The following FAM184A variants were observed in gnomAD, a reference collection of about 807,000 sequenced individuals.
FAM184A encodes family with sequence similarity 184 member A, also known as protein FAM184A.
Under a neutral mutation model 143.8 loss-of-function variants are expected in FAM184A, and 99 were observed. That is an observed-to-expected ratio of 0.69 (90% CI 0.58 to 0.81). FAM184A has a LOEUF of 0.81. Ranked by LOEUF, FAM184A falls within the 40% of genes least tolerant of loss-of-function variation. FAM184A has a pLI of 0.00. For synonymous variants in FAM184A, 427 were observed against 446.4 expected (o/e 0.96, Z 0.55); for missense variants, 1,217 against 1,310.5 (o/e 0.93, Z 1.10).
At chr6:119,135,931 G>T (rs1248439256) in intron 1 of FAM184A, among the ~76,000 whole-genome samples, 1 of 151,620 alleles carries the variant, frequency 6.6e-6, no homozygotes, top group East Asian at 1.9e-4. Context: ...CAACTCTGTT[G>T]TTACCCAGAT....
chr6:119,046,056 A>G (rs1237987914), intron 1 of FAM184A, among the ~76,000 whole-genome samples: 1 of 152,212 alleles, frequency 6.6e-6, no homozygotes, highest in Non-Finnish European at 1.5e-5. Flanking sequence ...AAAACATTCC[A>G]TCCTTTATCT....
At chr6:119,099,417 G>T (rs1788586700) in intron 1 of FAM184A, among the ~76,000 whole-genome samples, 1 of 152,162 alleles carries the variant, frequency 6.6e-6, no homozygotes. Flanking sequence ...TTCCCCTGAA[G>T]AAACTAAAGA....
intron 1 of FAM184A, among the ~76,000 whole-genome samples, chr6:119,051,993 T>C (rs1033084895): frequency 1.3e-5 from 2 of 152,182 alleles, no homozygotes; most frequent in African/African-American, 4.8e-5. Context: ...AGTATCTATG[T>C]ATGAGACTCA....
chr6:119,035,641 A>C (rs1786081114), intron 1 of FAM184A, among the ~76,000 whole-genome samples: 1 of 152,132 alleles, frequency 6.6e-6, no homozygotes, highest in East Asian at 1.9e-4. Flanking sequence ...AGAGCTCTGA[A>C]GCCTGCCACC....
rs558261093 is a variant in FAM184A at position 119,010,056 on chromosome 6, C to G, written c.1653+1253G>C. On this transcript the variant is annotated intron_variant, in intron 6 of 17. Coordinates refer to ENST00000338891, the MANE Select transcript of FAM184A (RefSeq NM_024581.6). Reference sequence around the variant, plus strand: ...GCCTCTAAGCAGGAAAAAGGCAATACCCCTCAGTGTGGAAGCAGCCCCAGA... The same window carrying G: ...GCCTCTAAGCAGGAAAAAGGCAATAGCCCTCAGTGTGGAAGCAGCCCCAGA... 1.3e-3 allele frequency among the ~76,000 whole-genome samples: 203 copies of G among 152,240 alleles called. 1 individual carries two copies. The highest frequency in any genetic ancestry group is 2.3e-3 in the Non-Finnish European group (156 of 68,024).
At chr6:119,019,098 G>A (rs184336785) in intron 4 of FAM184A, among the ~76,000 whole-genome samples, 12 of 152,282 alleles carry the variant, frequency 7.9e-5, no homozygotes, top group Admixed American at 7.8e-4. Flanking sequence ...GACAGTTGAT[G>A]TTACTGGAAT....
At chr6:118,974,919 C>G in intron 13 of FAM184A, 105 bp downstream of exon 13, 1 of 835,562 alleles carries the variant, frequency 1.2e-6, no homozygotes, top group East Asian at 2.5e-5. Context: ...CAATATTTTA[C>G]TAGAGAGCCA....
chr6:119,142,042 G>A (rs1354214908), intron 1 of FAM184A, among the ~76,000 whole-genome samples: 1 of 152,190 alleles, frequency 6.6e-6, no homozygotes, highest in Non-Finnish European at 1.5e-5. Flanking sequence ...TTCCTCTAGA[G>A]TGCAGGGCAC....
chr6:119,144,557 T>C (rs1772360236), intron 1 of FAM184A, among the ~76,000 whole-genome samples: 1 of 152,238 alleles, frequency 6.6e-6, no homozygotes, highest in Non-Finnish European at 1.5e-5. Flanking sequence ...CATCTGCTCC[T>C]GAGACTGACA....
chr6:119,122,230 C>A (rs566193099), intron 1 of FAM184A, among the ~76,000 whole-genome samples: 1 of 152,050 alleles, frequency 6.6e-6, no homozygotes, highest in East Asian at 1.9e-4. Flanking sequence ...CAGGGAGAAG[C>A]GGAAAAAGGC....
chr6:119,121,685 A>G (rs572415604), intron 1 of FAM184A, among the ~76,000 whole-genome samples: 1 of 152,340 alleles, frequency 6.6e-6, no homozygotes, highest in South Asian at 2.1e-4. Context: ...ATTTAAGTGT[A>G]AATTAACCCA....
intron 1 of FAM184A, among the ~76,000 whole-genome samples, chr6:119,056,183 A>G (rs1023662382): frequency 2.6e-5 from 4 of 152,228 alleles, no homozygotes; most frequent in Non-Finnish European, 5.9e-5. Context: ...AAATACTTAA[A>G]AGAAAAAAGA....
rs374543639 is a variant in FAM184A at position 119,078,291 on chromosome 6, G to T, written c.9C>A (p.Thr3=). The change falls in exon 1 of 18, where the codon ACC becomes ACA. Residue 3 remains threonine, a synonymous_variant. Transcript: ENST00000338891. This position sits in a 1 kb window ranked among gnomAD's most constrained non-coding sequence, Gnocchi z 5.5. The part of the protein sequence containing the change: MA[T]PGMSWQQHYY... The stretch of plus-strand genomic sequence containing the variant: ...AGTGCTGCTGCCAGCTCATGCCCGG[G>T]GTCGCCATCTTCCCAACAGACCCCA... The T allele has an allele frequency of 2.7e-6, 4 of 1,495,868 alleles. No individual in the cohort carries two copies. Among genetic ancestry groups the T allele is most frequent in the Non-Finnish European group, 2.7e-6 (3 of 1,126,528 alleles). The allele number at this position is 1,495,868 out of a possible 1,614,324, so 92.7% of individuals were successfully genotyped here. A position where few individuals can be genotyped will look rare whatever the true frequency, so the allele number is the denominator to read the frequency against.
chr6:119,022,053 CTTTTTTTTTTT>C (rs34128659), intron 3 of FAM184A, among the ~76,000 whole-genome samples: 4 of 84,392 alleles, frequency 4.7e-5, no homozygotes, highest in African/African-American at 1.4e-4. Context: ...TTCGTTCTTT[CTTTTTTTTTTT>C]TTTTTTTTTT....
chr6:119,058,999 A>G (rs1281448032), intron 1 of FAM184A, among the ~76,000 whole-genome samples: 1 of 151,488 alleles, frequency 6.6e-6, no homozygotes. Context: ...TTATTTTGAG[A>G]CAAGGTCTTG....
At chr6:119,016,082 C>T (rs1255085001) in intron 5 of FAM184A, among the ~76,000 whole-genome samples, 1 of 152,132 alleles carries the variant, frequency 6.6e-6, no homozygotes, top group Non-Finnish European at 1.5e-5. Context: ...TCTGGTGGGG[C>T]CTTGGAGAAC....
intron 1 of FAM184A, among the ~76,000 whole-genome samples, chr6:119,112,104 A>T (rs1788948406): frequency 6.6e-6 from 1 of 151,868 alleles, no homozygotes; most frequent in African/African-American, 2.4e-5. Flanking sequence ...AGAGTGTGGG[A>T]ATGATCATAT....
At position 119,001,335 on chromosome 6, in the gene FAM184A, G is replaced by GGTCT. The variant is rs1457169886; in HGVS notation, c.2088+1560_2088+1563dup. Among the ~76,000 whole-genome samples the GGTCT allele has an allele frequency of 7.9e-5, 12 of 151,528 alleles. 1 individual carries two copies. Among genetic ancestry groups the GGTCT allele is most frequent in the African/African-American group, 2.9e-4 (12 of 41,200 alleles). ...AGGAAGATATTATAATCTTGGAAAT[G>GGTCT]GTCTGATGGCATGGAGCATCACAGA... On this transcript the variant is annotated intron_variant, in intron 9 of 17. Coordinates refer to ENST00000338891, the MANE Select transcript of FAM184A (RefSeq NM_024581.6).
intron 1 of FAM184A, among the ~76,000 whole-genome samples, chr6:119,038,828 AGAG>A (rs934616330): frequency 1.3e-5 from 2 of 152,192 alleles, no homozygotes; most frequent in Non-Finnish European, 2.9e-5. Flanking sequence ...TCCTGTAACA[AGAG>A]GAGGTCAGGG....
Sources: allele counts gnomAD v4.1 joint callset (sites outside exome capture counted in the v4.1 genomes callset), GRCh38; gene constraint gnomAD v4.1.1; non-coding constraint Gnocchi (gnomAD v3.1); transcripts MANE v1.5; gene names NCBI Gene and HGNC (gene_info 2026-07-23, HGNC 2026-07-21).